Variants in GRM8 observed in about 807,000 individuals in gnomAD.
GRM8 encodes metabotropic glutamate receptor 8.
In GRM8, 47 loss-of-function variants were observed where a neutral mutation model predicts 87.2. The observed-to-expected ratio is 0.54, with a 90% CI of 0.43 to 0.69. The LOEUF (loss-of-function observed/expected upper bound fraction) is 0.69. Ranked by LOEUF, GRM8 falls within the 30% of genes least tolerant of loss-of-function variation. The probability of loss-of-function intolerance (pLI) is 0.00; values close to 1 mark genes in which losing one functional copy is unlikely to be tolerated. For synonymous variants in GRM8, 396 were observed against 404.5 expected (o/e 0.98, Z 0.25); for missense variants, 1,019 against 1,139.2 (o/e 0.89, Z 1.52).
intron 6 of GRM8, among the ~76,000 whole-genome samples, chr7:126,852,787 TATA>T (rs1361074632): frequency 6.6e-6 from 1 of 152,150 alleles, no homozygotes; most frequent in African/African-American, 2.4e-5. Context: ...TTCATATATT[TATA>T]TTTATTTCTG....
chr7:126,897,172 C>T (rs556993217), intron 6 of GRM8, among the ~76,000 whole-genome samples: 5 of 152,238 alleles, frequency 3.3e-5, no homozygotes, highest in East Asian at 3.9e-4. Flanking sequence ...GGAAAAGACC[C>T]GGCCTGAGTC....
At chr7:126,542,096 G>A (rs1187572552) in intron 8 of GRM8, among the ~76,000 whole-genome samples, 1 of 152,186 alleles carries the variant, frequency 6.6e-6, no homozygotes, top group Non-Finnish European at 1.5e-5. Flanking sequence ...GTCAAGGAGA[G>A]AGGCCTCAGA....
chr7:127,138,761 A>AT (rs1166790965), intron 2 of GRM8, among the ~76,000 whole-genome samples: 1 of 152,178 alleles, frequency 6.6e-6, no homozygotes, highest in African/African-American at 2.4e-5. Context: ...TTTAGTGACG[A>AT]AAAGCACTGA....
chr7:126,778,915 T>TA (rs146091672), intron 6 of GRM8, among the ~76,000 whole-genome samples: 7,556 of 151,594 alleles, frequency 0.05, 643 homozygotes, highest in African/African-American at 0.17. Context: ...AAGAAGAAAA[T>TA]AAAAAAAAAT....
intron 2 of GRM8, among the ~76,000 whole-genome samples, chr7:127,156,642 C>A (rs1187672951): frequency 6.6e-6 from 1 of 151,992 alleles, no homozygotes; most frequent in Non-Finnish European, 1.5e-5. Flanking sequence ...ATGACTGATA[C>A]CTGAAGCAGA....
chr7:127,010,556 T>C (rs1814782264), intron 3 of GRM8, among the ~76,000 whole-genome samples: 1 of 152,150 alleles, frequency 6.6e-6, no homozygotes, highest in Non-Finnish European at 1.5e-5. Flanking sequence ...TTAATTTCAA[T>C]CCTTTTCCCA....
chr7:126,845,238 C>T (rs534541158), intron 6 of GRM8, among the ~76,000 whole-genome samples: 2 of 152,328 alleles, frequency 1.3e-5, no homozygotes, highest in African/African-American at 4.8e-5. Flanking sequence ...TTTATTCCTG[C>T]AACTTTATTA....
At chr7:126,944,595 T>C (rs1257810118) in intron 3 of GRM8, among the ~76,000 whole-genome samples, 1 of 152,220 alleles carries the variant, frequency 6.6e-6, no homozygotes, top group Non-Finnish European at 1.5e-5. Flanking sequence ...GAATCCATCT[T>C]AAATTTCAAC....
At chr7:126,750,272 A>G (rs1191112952) in intron 7 of GRM8, among the ~76,000 whole-genome samples, 1 of 152,178 alleles carries the variant, frequency 6.6e-6, no homozygotes, top group African/African-American at 2.4e-5. Flanking sequence ...AAATTAAAAA[A>G]ATCTACTGAT....
At chr7:126,703,010 T>C (rs1381299899) in intron 7 of GRM8, among the ~76,000 whole-genome samples, 1 of 151,910 alleles carries the variant, frequency 6.6e-6, no homozygotes, top group Non-Finnish European at 1.5e-5. Flanking sequence ...GCTGGAGGAA[T>C]GAAGAGGTGG....
In GRM8 at chr7:126,609,039, C is replaced by T. The variant is rs371578532; in HGVS notation, c.1494+323G>A. 1.4e-3 allele frequency among the ~76,000 whole-genome samples: 206 copies of T among 152,230 alleles called. 2 individuals carry two copies. The highest frequency in any genetic ancestry group is 4.8e-3 in the African/African-American group (201 of 41,540). Reference sequence around the variant, plus strand: ...GGCATATTCAGTCGATTCCACACCACCTCCAACACACAGACATACAAAAAA... The same window carrying T: ...GGCATATTCAGTCGATTCCACACCATCTCCAACACACAGACATACAAAAAA... On this transcript the variant is annotated intron_variant, in intron 8 of 10. Transcript: ENST00000339582.
chr7:126,852,748 T>G (rs1315378173), intron 6 of GRM8, among the ~76,000 whole-genome samples: 7 of 152,182 alleles, frequency 4.6e-5, no homozygotes, highest in African/African-American at 1.7e-4. Context: ...TAATTAATCT[T>G]TGATCAAAAT....
chr7:127,244,263 C>G (rs1798466770), intron 1 of GRM8, among the ~76,000 whole-genome samples: 1 of 152,168 alleles, frequency 6.6e-6, no homozygotes, highest in Non-Finnish European at 1.5e-5. Flanking sequence ...CTGAGGGAAA[C>G]ATGCCTTGAT....
intron 3 of GRM8, among the ~76,000 whole-genome samples, chr7:126,990,968 T>C (rs1163964142): frequency 2.0e-5 from 3 of 152,176 alleles, no homozygotes; most frequent in African/African-American, 7.2e-5. Context: ...TTATATATAG[T>C]TTAACTTAAG....
chr7:126,445,869 G>A (rs1801960630), intron 10 of GRM8, among the ~76,000 whole-genome samples: 1 of 151,966 alleles, frequency 6.6e-6, no homozygotes, highest in Non-Finnish European at 1.5e-5. Flanking sequence ...GCTTTGTAAT[G>A]CTTCAAAAGA....
intron 3 of GRM8, among the ~76,000 whole-genome samples, chr7:127,013,732 GT>G: frequency 6.6e-6 from 1 of 152,220 alleles, no homozygotes; most frequent in Admixed American, 6.5e-5. Context: ...TTCAGGAGCT[GT>G]TTTTGTTTTT....
intron 1 of GRM8, among the ~76,000 whole-genome samples, chr7:127,244,188 C>G (rs1488983725): frequency 3.3e-5 from 5 of 152,198 alleles, no homozygotes; most frequent in African/African-American, 1.2e-4. Flanking sequence ...GAAGATATTC[C>G]TATTACCATT....
At chr7:126,478,407 G>A (rs944369943) in intron 9 of GRM8, among the ~76,000 whole-genome samples, 1 of 152,004 alleles carries the variant, frequency 6.6e-6, no homozygotes, top group South Asian at 2.1e-4. Context: ...TTACTGGCGT[G>A]AGATAAGGAA....
intron 9 of GRM8, among the ~76,000 whole-genome samples, chr7:126,448,778 CAGA>C (rs1453793457): frequency 6.6e-6 from 1 of 151,794 alleles, no homozygotes; most frequent in Admixed American, 6.6e-5. Context: ...AGCAAACTAA[CAGA>C]AGAATAGAAA....
Sources: gnomAD v4.1 joint callset for allele counts (sites outside exome capture counted in the v4.1 genomes callset) on GRCh38, gnomAD v4.1.1 for gene constraint, MANE v1.5 for transcripts, NCBI Gene and HGNC (gene_info 2026-07-23, HGNC 2026-07-21) for gene names.